Variants in NCALD observed in about 807,000 individuals in gnomAD.
NCALD encodes neurocalcin delta.
Under a neutral mutation model 18.6 loss-of-function variants are expected in NCALD, and 10 were observed. That is an observed-to-expected ratio of 0.54 (90% CI 0.33 to 0.91). The LOEUF (loss-of-function observed/expected upper bound fraction) is 0.91, where lower values mean the gene tolerates loss of function less well. NCALD is among the 40% of genes least tolerant of loss of function. The pLI, the probability that NCALD is intolerant of heterozygous loss-of-function variation, is 0.03. For missense variants in NCALD, 184 were observed against 247.6 expected (o/e 0.74, Z 1.72); for synonymous variants, 88 against 87.4 (o/e 1.01, Z -0.04).
At chr8:101,912,018 T>A (rs1290739119) in intron 3 of NCALD, among the ~76,000 whole-genome samples, 1 of 152,188 alleles carries the variant, frequency 6.6e-6, no homozygotes, top group Non-Finnish European at 1.5e-5. Context: ...AAATATACAT[T>A]TTTGAGGTCC....
intron 1 of NCALD, among the ~76,000 whole-genome samples, chr8:101,764,297 A>G (rs79789872): frequency 0.021 from 3,194 of 152,278 alleles, 105 homozygotes; most frequent in African/African-American, 0.07. Flanking sequence ...GACATTGAGA[A>G]GGAGCAGCTG....
At chr8:101,987,968 C>A (rs1439704475) in intron 2 of NCALD, among the ~76,000 whole-genome samples, 1 of 151,972 alleles carries the variant, frequency 6.6e-6, no homozygotes, top group African/African-American at 2.4e-5. Context: ...TCTTGGCTAA[C>A]ACGGTGAAAC....
intron 1 of NCALD, among the ~76,000 whole-genome samples, chr8:101,782,052 CA>C (rs1474360582): frequency 2.4e-5 from 3 of 124,854 alleles, no homozygotes; most frequent in African/African-American, 8.0e-5. Flanking sequence ...TGCAGTGTCT[CA>C]GGGGTTTCAG....
chr8:102,099,642 AT>A (rs869153279), intron 1 of NCALD, among the ~76,000 whole-genome samples: 1 of 148,904 alleles, frequency 6.7e-6, no homozygotes, highest in Non-Finnish European at 1.5e-5. Context: ...AAAAAAAAAA[AT>A]CAGAAATAGC....
intron 4 of NCALD, among the ~76,000 whole-genome samples, chr8:101,861,758 T>C (rs542405350): frequency 6.6e-6 from 1 of 152,306 alleles, no homozygotes; most frequent in African/African-American, 2.4e-5. Flanking sequence ...TATGTATGAT[T>C]CCATTTGAGA....
intron 1 of NCALD, among the ~76,000 whole-genome samples, chr8:101,730,778 G>T (rs183018756): frequency 6.6e-6 from 1 of 152,268 alleles, no homozygotes; most frequent in Admixed American, 6.5e-5. Flanking sequence ...CATGGTTCCC[G>T]TATCCCTTAG....
intron 1 of NCALD, among the ~76,000 whole-genome samples, chr8:102,040,419 A>G (rs1563565857): frequency 6.6e-6 from 1 of 151,878 alleles, no homozygotes; most frequent in Non-Finnish European, 1.5e-5. Context: ...GGTTGCTGTG[A>G]GCCAAGATTG....
intron 1 of NCALD, among the ~76,000 whole-genome samples, chr8:101,783,137 G>A (rs1250868145): frequency 1.3e-5 from 2 of 152,156 alleles, no homozygotes; most frequent in Non-Finnish European, 2.9e-5. Context: ...TATTTTCATA[G>A]GCACTTAACT....
intron 2 of NCALD, among the ~76,000 whole-genome samples, chr8:101,972,429 G>A (rs1820276401): frequency 6.6e-6 from 1 of 152,196 alleles, no homozygotes; most frequent in Non-Finnish European, 1.5e-5. Flanking sequence ...CCAGAAAAGT[G>A]TAACTATTTT....
At chr8:101,955,673 C>T (rs991711121) in intron 2 of NCALD, among the ~76,000 whole-genome samples, 6 of 151,994 alleles carry the variant, frequency 3.9e-5, no homozygotes, top group Non-Finnish European at 5.9e-5. Flanking sequence ...AATCTATTTT[C>T]GGTTTAATTA....
intron 2 of NCALD, among the ~76,000 whole-genome samples, chr8:101,974,443 A>G (rs1435149322): frequency 6.6e-6 from 1 of 152,152 alleles, no homozygotes; most frequent in Non-Finnish European, 1.5e-5. Flanking sequence ...GAGCCACCCC[A>G]TGTGACATAG....
intron 1 of NCALD, among the ~76,000 whole-genome samples, chr8:102,043,479 T>C (rs1220604774): frequency 6.6e-6 from 1 of 151,650 alleles, no homozygotes; most frequent in Non-Finnish European, 1.5e-5. Flanking sequence ...AAAATCTGGA[T>C]GCAAGCAAAA....
intron 4 of NCALD, among the ~76,000 whole-genome samples, chr8:101,855,068 G>T (rs1239211623): frequency 6.6e-6 from 1 of 152,096 alleles, no homozygotes; most frequent in East Asian, 1.9e-4. Context: ...GAGGAGCGGA[G>T]GGAGGAAGAA....
At chr8:102,110,974 A>T (rs1420692950) in intron 1 of NCALD, among the ~76,000 whole-genome samples, 2 of 152,228 alleles carry the variant, frequency 1.3e-5, no homozygotes, top group Non-Finnish European at 2.9e-5. Context: ...AATGAAAAAA[A>T]TAATTTAAAA....
chr8:102,042,893 A>C (rs760086510), intron 1 of NCALD, among the ~76,000 whole-genome samples: 2 of 151,888 alleles, frequency 1.3e-5, no homozygotes, highest in Non-Finnish European at 2.9e-5. Context: ...CCAGGCCCAG[A>C]GAGTTCAAGG....
chr8:101,970,834 C>G (rs1259786684), intron 2 of NCALD, among the ~76,000 whole-genome samples: 1 of 152,136 alleles, frequency 6.6e-6, no homozygotes, highest in African/African-American at 2.4e-5. Flanking sequence ...TTTTTCTGCT[C>G]CAATACTCAG....
intron 1 of NCALD, among the ~76,000 whole-genome samples, chr8:102,096,543 GA>G (rs1473320590): frequency 1.8e-4 from 28 of 152,328 alleles, no homozygotes; most frequent in African/African-American, 6.3e-4. Context: ...CAGCAGATGG[GA>G]AATTGAAAGT....
intron 1 of NCALD, among the ~76,000 whole-genome samples, chr8:102,050,138 C>T (rs930664319): frequency 8.5e-6 from 1 of 117,214 alleles, no homozygotes. Flanking sequence ...GTCCGCAGTC[C>T]GGCCTGGGCG....
At position 101,689,520 on chromosome 8, in the gene NCALD, ACT is replaced by A; in HGVS notation, c.485-116_485-115del. On this transcript the variant is annotated intron_variant, in intron 3 of 3. Transcript: ENST00000220931. This position sits in a 1 kb window ranked among gnomAD's most constrained non-coding sequence, Gnocchi z 4.4. Reference sequence around the variant, plus strand: ...TTCACCTGCCTGCAGCCTCACTGCCACTGTGACACACAGCACTCACCTGTCCC... The same window carrying A: ...TTCACCTGCCTGCAGCCTCACTGCCAGTGACACACAGCACTCACCTGTCCC... 1.3e-6 allele frequency: 1 copy of A among 750,114 alleles called. No homozygotes were observed. Among genetic ancestry groups the A allele is most frequent in the Non-Finnish European group, 2.3e-6 (1 of 442,248 alleles). The allele number at this position is 750,114 out of a possible 1,614,324, so 46.5% of individuals were successfully genotyped here.
Sources: allele counts gnomAD v4.1 joint callset (sites outside exome capture counted in the v4.1 genomes callset), GRCh38; gene constraint gnomAD v4.1.1; non-coding constraint Gnocchi (gnomAD v3.1); transcripts MANE v1.5; gene names NCBI Gene and HGNC (gene_info 2026-07-23, HGNC 2026-07-21).